WHRN: variants seen among roughly 807,000 people sequenced by gnomAD.
The protein encoded by WHRN is whirlin, also known as CASK-interacting protein CIP98.
WHRN carries 41 observed loss-of-function variants against 68.3 expected under a neutral mutation model. That is an observed-to-expected ratio of 0.60 (90% CI 0.47 to 0.78). The LOEUF is 0.78. Among genes scored for constraint, WHRN ranks in the 30% least tolerant of loss-of-function variants. The pLI is 0.00. For missense variants in WHRN, 1,243 were observed against 1,244.7 expected (o/e 1.00, Z 0.02); for synonymous variants, 560 against 561.3 (o/e 1.00, Z 0.03).
chr9:114,434,204 G>A (rs372539604), intron 3 of WHRN, among the ~76,000 whole-genome samples: 6 of 152,244 alleles, frequency 3.9e-5, no homozygotes, highest in African/African-American at 9.6e-5. Context: ...AATAGGCACC[G>A]CCTGAGACAT....
chr9:114,445,097 A>C (rs1205349808), intron 3 of WHRN, among the ~76,000 whole-genome samples: 1 of 152,004 alleles, frequency 6.6e-6, no homozygotes, highest in Non-Finnish European at 1.5e-5. Flanking sequence ...GCTGGAGTGC[A>C]GTGGTGTGAT....
In WHRN at chr9:114,449,035, A is replaced by G. The variant is rs1257085479; in HGVS notation, c.963+17232T>C. Among the ~76,000 whole-genome samples, 3 of 152,170 alleles carry G rather than the reference A, an allele frequency of 2.0e-5. No individual in the cohort carries two copies. In the East Asian group the frequency reaches 5.8e-4, roughly 29 times the overall value. ...GGTCAAGTGCCCAAAGCACTGCCCC[A>G]TATAGTTACCTACCTCTCCCAAAGC... On this transcript the variant is annotated intron_variant, in intron 3 of 11. Coordinates refer to ENST00000362057, the MANE Select transcript of WHRN (RefSeq NM_015404.4).
At chr9:114,448,765 G>C (rs572178851) in intron 3 of WHRN, among the ~76,000 whole-genome samples, 1 of 152,310 alleles carries the variant, frequency 6.6e-6, no homozygotes, top group Admixed American at 6.5e-5. Flanking sequence ...AGGCACAGGA[G>C]GAAACAGGCT....
rs1233678073 is a variant in WHRN at position 114,423,399 on chromosome 9, C to T, written c.1541G>A (p.Gly514Glu). The T allele has an allele frequency of 6.2e-7, 1 of 1,613,920 alleles. No individual in the cohort carries two copies. The highest frequency in any genetic ancestry group is 1.3e-5 in the African/African-American group (1 of 74,874). The stretch of plus-strand genomic sequence containing the variant: ...GTAGGAGACCATGGAGTAGGTGTCC[C>T]CAGCCCCGGGGCCTGGGGGCTGCCG... ...KARQPPGPGAGDTYSMVSYSD... is the reference protein window; with the variant it reads ...KARQPPGPGAEDTYSMVSYSD... The change falls in exon 7 of 12, where the codon GGG (glycine) becomes GAG (glutamate). Residue 514 changes from glycine to glutamate, a missense_variant. Gly to Glu is a moderately conservative substitution (Grantham distance 98). Transcript: ENST00000362057.
chr9:114,460,962 T>G (rs543731950), intron 3 of WHRN, among the ~76,000 whole-genome samples: 1 of 152,180 alleles, frequency 6.6e-6, no homozygotes, highest in African/African-American at 2.4e-5. Flanking sequence ...GATGCCCAAG[T>G]GAGTGTAGGC....
intron 1 of WHRN, among the ~76,000 whole-genome samples, chr9:114,484,489 C>T (rs1842333452): frequency 6.6e-6 from 1 of 152,228 alleles, no homozygotes; most frequent in Non-Finnish European, 1.5e-5. Context: ...GCCCTATTAG[C>T]ACAATGCCTA....
intron 3 of WHRN, among the ~76,000 whole-genome samples, chr9:114,437,046 T>C (rs915542502): frequency 6.6e-6 from 1 of 152,142 alleles, no homozygotes; most frequent in African/African-American, 2.4e-5. Flanking sequence ...AAATCCTCCG[T>C]AATTACACCA....
In WHRN at chr9:114,498,173, C is replaced by A. The variant is rs1294340992; in HGVS notation, c.618+6011G>T. Among the ~76,000 whole-genome samples, 4 of 152,104 alleles carry A rather than the reference C, an allele frequency of 2.6e-5. No individual in the cohort carries two copies. The East Asian group carries it at 7.7e-4, about 29-fold the overall frequency. On this transcript the variant is annotated intron_variant, in intron 1 of 11. Transcript: ENST00000362057. ...TATATATTAAAGCACCTACTGTGTGCCGGGAGCTGGGGATGCGTGAATAAG... is the reference window on the plus strand; with the variant it reads ...TATATATTAAAGCACCTACTGTGTGACGGGAGCTGGGGATGCGTGAATAAG...
intron 3 of WHRN, among the ~76,000 whole-genome samples, chr9:114,438,454 CTTTTTTTTT>C (rs869187937): frequency 3.7e-5 from 5 of 134,198 alleles, no homozygotes; most frequent in Non-Finnish European, 8.1e-5. Context: ...TCTTTTTTTT[CTTTTTTTTT>C]TTTTTTTGAG....
At chr9:114,414,949 C>T (rs777955882) in intron 7 of WHRN, among the ~76,000 whole-genome samples, 6 of 152,096 alleles carry the variant, frequency 3.9e-5, no homozygotes, top group Non-Finnish European at 7.3e-5. Context: ...CCTGGTCACC[C>T]GCATCCACCT....
intron 3 of WHRN, among the ~76,000 whole-genome samples, chr9:114,446,133 T>C (rs2132647217): frequency 6.6e-6 from 1 of 152,290 alleles, no homozygotes; most frequent in South Asian, 2.1e-4. Flanking sequence ...CATCAACTAA[T>C]GAATGGATAA....
intron 2 of WHRN, among the ~76,000 whole-genome samples, chr9:114,471,645 C>T (rs114764686): frequency 0.012 from 1,826 of 152,340 alleles, 41 homozygotes; most frequent in African/African-American, 0.042. Context: ...TGCCTTGCCA[C>T]GGAGCCTCGA....
Position 114,409,630 on chromosome 9 carries a change from C to T in WHRN, c.1627-1612G>A, listed in dbSNP as rs10982204. The stretch of plus-strand genomic sequence containing the variant: ...CTTCTACGAAGATCCCCTTTGCTCA[C>T]ATCCTCTCCAGCCAGGCTGGAACAC... On this transcript the variant is annotated intron_variant, in intron 7 of 11. Coordinates refer to ENST00000362057, the MANE Select transcript of WHRN (RefSeq NM_015404.4). Among the ~76,000 whole-genome samples, 369 of 151,886 alleles carry T rather than the reference C, an allele frequency of 2.4e-3. 10 individuals are homozygous for T. The East Asian group carries it at 0.037, about 15-fold the overall frequency.
intron 3 of WHRN, among the ~76,000 whole-genome samples, chr9:114,449,226 T>C (rs1839098639): frequency 6.6e-6 from 1 of 152,232 alleles, no homozygotes; most frequent in Admixed American, 6.5e-5. Flanking sequence ...GGGCAACCAA[T>C]GACATTTCCG....
At chr9:114,432,713 G>T (rs1220672871) in intron 3 of WHRN, among the ~76,000 whole-genome samples, 1 of 152,170 alleles carries the variant, frequency 6.6e-6, no homozygotes, top group Non-Finnish European at 1.5e-5. Flanking sequence ...ACAGGGTCTG[G>T]CACATAGTAG....
At chr9:114,455,293 A>C (rs185196291) in intron 3 of WHRN, among the ~76,000 whole-genome samples, 2 of 152,234 alleles carry the variant, frequency 1.3e-5, no homozygotes, top group Admixed American at 1.3e-4. Context: ...ATCTCGGCTC[A>C]CTGCAGCCTC....
intron 7 of WHRN, among the ~76,000 whole-genome samples, chr9:114,411,452 C>T (rs1229310887): frequency 6.6e-6 from 1 of 152,202 alleles, no homozygotes; most frequent in Non-Finnish European, 1.5e-5. Flanking sequence ...ATTCAACCTG[C>T]AGCTGATCCT....
At chr9:114,451,941 G>A (rs908686123) in intron 3 of WHRN, among the ~76,000 whole-genome samples, 1 of 152,196 alleles carries the variant, frequency 6.6e-6, no homozygotes. Context: ...GATGCTGGGA[G>A]CATTAAATGA....
intron 3 of WHRN, among the ~76,000 whole-genome samples, chr9:114,429,246 T>A (rs1837188265): frequency 6.6e-6 from 1 of 152,218 alleles, no homozygotes; most frequent in African/African-American, 2.4e-5. Flanking sequence ...CAGATTAATT[T>A]CATCAACTTT....
Sources: allele counts gnomAD v4.1 joint callset (sites outside exome capture counted in the v4.1 genomes callset), GRCh38; gene constraint gnomAD v4.1.1; transcripts MANE v1.5; gene names NCBI Gene and HGNC (gene_info 2026-07-23, HGNC 2026-07-21).